The following DOK6 variants were observed in gnomAD, a reference collection of about 807,000 sequenced individuals.
DOK6 encodes the protein downstream of tyrosine kinase 6.
DOK6 carries 22 observed loss-of-function variants against 44.0 expected under a neutral mutation model. The ratio of observed to expected loss-of-function variants is 0.50; its 90% CI spans 0.36 to 0.71. The LOEUF (loss-of-function observed/expected upper bound fraction) is 0.71, where lower values mean the gene tolerates loss of function less well. Ranked by LOEUF, DOK6 falls within the 30% of genes least tolerant of loss-of-function variation. The pLI, the probability that DOK6 is intolerant of heterozygous loss-of-function variation, is 0.00. For synonymous variants in DOK6, 166 were observed against 145.5 expected (o/e 1.14, Z -1.01); for missense variants, 340 against 416.4 (o/e 0.82, Z 1.60).
intron 7 of DOK6, among the ~76,000 whole-genome samples, chr18:69,770,849 C>G (rs1213396139): frequency 2.6e-5 from 4 of 151,908 alleles, no homozygotes; most frequent in Admixed American, 1.3e-4. Flanking sequence ...ACACTTTCCA[C>G]TCTCCTAAAT....
At chr18:69,702,489 C>T (rs1599272618) in intron 5 of DOK6, among the ~76,000 whole-genome samples, 1 of 152,300 alleles carries the variant, frequency 6.6e-6, no homozygotes, top group South Asian at 2.1e-4. Flanking sequence ...CCTGTACACA[C>T]AGGCAACAGC....
intron 5 of DOK6, among the ~76,000 whole-genome samples, chr18:69,710,053 C>T (rs1986723100): frequency 6.6e-6 from 1 of 152,146 alleles, no homozygotes; most frequent in African/African-American, 2.4e-5. Flanking sequence ...GTGGTGTGCA[C>T]CTTTAGTCCC....
intron 1 of DOK6, among the ~76,000 whole-genome samples, chr18:69,406,519 C>T (rs879728329): frequency 1.3e-5 from 2 of 152,188 alleles, no homozygotes; most frequent in African/African-American, 2.4e-5. Context: ...TCAAGATTCA[C>T]ATCTCAGTTT....
intron 5 of DOK6, 152 bp from the exon 6 acceptor site, chr18:69,738,813 T>C: frequency 1.2e-6 from 1 of 802,716 alleles, no homozygotes. Context: ...GATGCACTTT[T>C]TGGTTGGTTT....
At chr18:69,507,627 A>G (rs184722415) in intron 1 of DOK6, among the ~76,000 whole-genome samples, 2 of 152,162 alleles carry the variant, frequency 1.3e-5, no homozygotes, top group African/African-American at 4.8e-5. Context: ...TTTAATGCCT[A>G]AGTAGTTCAT....
At chr18:69,730,110 G>A (rs1978353508) in intron 5 of DOK6, among the ~76,000 whole-genome samples, 1 of 152,142 alleles carries the variant, frequency 6.6e-6, no homozygotes, top group Non-Finnish European at 1.5e-5. Context: ...AACAACTGGA[G>A]TCAAAACAAC....
intron 7 of DOK6, among the ~76,000 whole-genome samples, chr18:69,788,931 A>T (rs1980512367): frequency 6.6e-6 from 1 of 152,254 alleles, no homozygotes; most frequent in Non-Finnish European, 1.5e-5. Context: ...GCAACTCATT[A>T]AAATACAATA....
Position 69,436,171 on chromosome 18 carries a change from A to AT in DOK6, c.66+34876dup, listed in dbSNP as rs10657543. Among the ~76,000 whole-genome samples the AT allele has an allele frequency of 2.7e-3, 386 of 145,186 alleles. 2 individuals carry two copies. Among genetic ancestry groups the AT allele is most frequent in the South Asian group, 5.2e-3 (24 of 4,574 alleles). On this transcript the variant is annotated intron_variant, in intron 1 of 7. Coordinates refer to ENST00000382713, the MANE Select transcript of DOK6 (RefSeq NM_152721.6). ...CTTGATACATATACGAATTATCTGG[A>AT]TTTTTTTTTTTTTTTACTTTAAATT...
intron 1 of DOK6, among the ~76,000 whole-genome samples, chr18:69,555,669 T>C (rs1047167906): frequency 2.0e-5 from 3 of 152,218 alleles, no homozygotes; most frequent in Non-Finnish European, 2.9e-5. Context: ...TCTTCCCATC[T>C]TGTTACTCAA....
intron 7 of DOK6, among the ~76,000 whole-genome samples, chr18:69,811,748 T>C (rs566488686): frequency 6.6e-6 from 1 of 152,020 alleles, no homozygotes; most frequent in East Asian, 1.9e-4. Flanking sequence ...GATATATGCT[T>C]AAATTCCAGG....
intron 1 of DOK6, among the ~76,000 whole-genome samples, chr18:69,534,071 T>C (rs947567450): frequency 6.6e-6 from 1 of 152,134 alleles, no homozygotes; most frequent in South Asian, 2.1e-4. Context: ...TATTACCTCA[T>C]TAAATCATTG....
chr18:69,406,748 T>C (rs1413722721), intron 1 of DOK6, among the ~76,000 whole-genome samples: 2 of 152,204 alleles, frequency 1.3e-5, no homozygotes, highest in South Asian at 2.1e-4. Context: ...ACAGTAATGG[T>C]GAATATTTTG....
chr18:69,468,086 C>T (rs939268665), intron 1 of DOK6, among the ~76,000 whole-genome samples: 9 of 152,090 alleles, frequency 5.9e-5, no homozygotes, highest in African/African-American at 2.2e-4. Flanking sequence ...CATTTATCCT[C>T]CTTAGGTGAT....
chr18:69,472,217 A>C (rs1310314791), intron 1 of DOK6, among the ~76,000 whole-genome samples: 2 of 152,306 alleles, frequency 1.3e-5, no homozygotes, highest in African/African-American at 4.8e-5. Context: ...AGTTAAAGAG[A>C]TATAATAAAA....
At chr18:69,812,905 T>C (rs1187770932) in intron 7 of DOK6, among the ~76,000 whole-genome samples, 1 of 152,028 alleles carries the variant, frequency 6.6e-6, no homozygotes, top group Non-Finnish European at 1.5e-5. Context: ...ACGATTCAAT[T>C]ACCTACATCT....
At chr18:69,638,672 A>G (rs2144652323) in intron 3 of DOK6, among the ~76,000 whole-genome samples, 1 of 152,302 alleles carries the variant, frequency 6.6e-6, no homozygotes, top group South Asian at 2.1e-4. Context: ...AGTTTATGGT[A>G]CTGCTTCTTA....
chr18:69,703,676 G>T (rs1986570772), intron 5 of DOK6, among the ~76,000 whole-genome samples: 2 of 152,154 alleles, frequency 1.3e-5, no homozygotes, highest in Admixed American at 1.3e-4. Context: ...GCAATCTTGT[G>T]ACTCAGACAT....
intron 3 of DOK6, among the ~76,000 whole-genome samples, chr18:69,606,000 G>A (rs1274571864): frequency 2.0e-5 from 3 of 152,058 alleles, no homozygotes; most frequent in East Asian, 3.9e-4. Flanking sequence ...GGCCAGGTGC[G>A]GTGGCTCACA....
chr18:69,463,316 A>T (rs1202469058), intron 1 of DOK6, among the ~76,000 whole-genome samples: 1 of 151,636 alleles, frequency 6.6e-6, no homozygotes, highest in East Asian at 1.9e-4. Context: ...ATTTCCACAC[A>T]TCAATCTTGG....
Sources: allele counts gnomAD v4.1 joint callset (sites outside exome capture counted in the v4.1 genomes callset), GRCh38; gene constraint gnomAD v4.1.1; transcripts MANE v1.5; gene names NCBI Gene and HGNC (gene_info 2026-07-23, HGNC 2026-07-21).